The following GARS1 variants were observed in gnomAD, a reference collection of about 807,000 sequenced individuals.
The protein encoded by GARS1 is glycine--tRNA ligase.
A neutral mutation model predicts 86.4 loss-of-function variants in GARS1; 46 were observed. The ratio of observed to expected loss-of-function variants is 0.53; its 90% CI spans 0.42 to 0.68. The LOEUF (loss-of-function observed/expected upper bound fraction) is 0.68. GARS1 is among the 30% of genes least tolerant of loss of function. The pLI, the probability that GARS1 is intolerant of heterozygous loss-of-function variation, is 0.00. For missense variants in GARS1, 797 were observed against 915.6 expected (o/e 0.87, Z 1.67); for synonymous variants, 342 against 329.8 (o/e 1.04, Z -0.40).
intron 12 of GARS1, chr7:30,622,663 C>A: frequency 1.7e-6 from 1 of 578,706 alleles, no homozygotes; most frequent in Non-Finnish European, 3.0e-6. Context: ...TTTTTTTTTC[C>A]TAGTAACTGT....
In GARS1 at chr7:30,622,425, T is replaced by C; in HGVS notation, c.1576T>C (p.Tyr526His). Residue 526 changes from tyrosine to histidine, a missense_variant, in exon 12 of 17, where the codon TAC (tyrosine) becomes CAC (histidine). Tyr to His is a moderately conservative substitution (Grantham distance 83). Coordinates refer to ENST00000389266, the MANE Select transcript of GARS1 (RefSeq NM_002047.4). ...MEYLAICDEC[Y>H]ITEMEMLLNE... ...GTATCTTGCCATTTGTGATGAGTGC[T>C]ACATTACAGAAATGGAGATGCTGCT... The C allele has an allele frequency of 6.2e-7, 1 of 1,614,128 alleles. No homozygotes were observed. Among genetic ancestry groups the C allele is most frequent in the African/African-American group, 1.3e-5 (1 of 75,052 alleles).
chr7:30,600,006 G>A lies in GARS1; in HGVS notation c.384G>A (p.Leu128=), dbSNP rs886062272. 4.3e-6 allele frequency: 7 copies of A among 1,613,782 alleles called. No homozygotes were observed. The highest frequency in any genetic ancestry group is 5.9e-6 in the Non-Finnish European group (7 of 1,179,868). The change falls in exon 3 of 17, where the codon CTG becomes CTA. Residue 128 remains leucine (L), a synonymous_variant. Transcript: ENST00000389266. ...ACCGAGCAAAAATGGAAGATACCCTGAAGAGGAGGTTTTTCTATGATCAAG... is the reference window on the plus strand; with the variant it reads ...ACCGAGCAAAAATGGAAGATACCCTAAAGAGGAGGTTTTTCTATGATCAAG... The part of the protein sequence containing the change: ...IVDRAKMEDT[L]KRRFFYDQAF...
chr7:30,633,784 C>T lies in GARS1; in HGVS notation c.2144C>T (p.Thr715Ile). The T allele has an allele frequency of 6.2e-7, 1 of 1,613,528 alleles. No homozygotes were observed. Residue 715 changes from threonine (T) to isoleucine (I), a missense_variant, in exon 17 of 17, where the codon ACA (threonine) becomes ATA (isoleucine). This residue lies in a region of GARS1 where 598 missense variants were observed against 738.7 expected (regional missense o/e 0.81). Coordinates refer to ENST00000389266, the MANE Select transcript of GARS1 (RefSeq NM_002047.4). ...IVQDLANGNI[T>I]WADVEARYPL... ...CAAGACCTAGCCAATGGCAACATCA[C>T]ATGGGCTGATGTGGAGGCCAGGTAT...
At chr7:30,618,726 C>A (rs778518805) in intron 10 of GARS1, among the ~76,000 whole-genome samples, 4 of 152,200 alleles carry the variant, frequency 2.6e-5, no homozygotes, top group Non-Finnish European at 5.9e-5. Flanking sequence ...CTAACACATG[C>A]ATGCATAAAT....
rs769662084 is a variant in GARS1 at position 30,632,232 on chromosome 7, G to T, written c.1904-15G>T. On this transcript the variant is annotated splice_polypyrimidine_tract_variant and intron_variant, in intron 15 of 16. Coordinates refer to ENST00000389266, the MANE Select transcript of GARS1 (RefSeq NM_002047.4). The surrounding 1 kb of genome is among the most constrained non-coding windows in gnomAD (Gnocchi z 4.1). ...CATTGTTTTATTTTTAATTTACTTT[G>T]TTTATTTTGGATAGCGGAAGCCCTG... The T allele has an allele frequency of 6.8e-6, 11 of 1,613,322 alleles. No homozygotes were observed. The South Asian group carries it at 1.1e-4, about 16-fold the overall frequency.
rs564263129 is a variant in GARS1, at chr7:30,633,919, TA to T, written c.*60del. The stretch of plus-strand genomic sequence containing the variant: ...AATAAAAAAAAAAAAAAACTACTCT[TA>T]TGTCCACTTTACAAAAGAAAACAGC... On this transcript the variant is annotated 3_prime_UTR_variant, in exon 17 of 17. Coordinates refer to ENST00000389266, the MANE Select transcript of GARS1 (RefSeq NM_002047.4). 1.6e-5 allele frequency: 25 copies of T among 1,543,266 alleles called. No homozygotes were observed. The East Asian group carries it at 5.6e-4, about 35-fold the overall frequency.
At chr7:30,610,876 A>G (rs541808102) in intron 7 of GARS1, among the ~76,000 whole-genome samples, 1 of 152,262 alleles carries the variant, frequency 6.6e-6, no homozygotes, top group Non-Finnish European at 1.5e-5. Context: ...AGAAAATGGG[A>G]AGTATAAAAT....
chr7:30,599,840 A>G, intron 2 of GARS1, 107 bp from the exon 3 acceptor site: 1 of 749,360 alleles, frequency 1.3e-6, no homozygotes. Context: ...TGTCTGTTTG[A>G]TAAATTTTAT....
In GARS1 at chr7:30,603,102, G is replaced by T; in HGVS notation, c.638G>T (p.Arg213Leu). ...VKDVKNGECFRADHLLKAHLQ... is the reference protein window; with the variant it reads ...VKDVKNGECFLADHLLKAHLQ... ...GACGTAAAAAATGGAGAATGTTTTC[G>T]TGCTGACCATCTATTAAAAGGTGAG... is the stretch of plus-strand genomic sequence containing the variant. Residue 213 changes from arginine (R) to leucine (L), a missense_variant, in exon 5 of 17, where the codon CGT (arginine) becomes CTT (leucine). This residue lies in a region of GARS1 where 598 missense variants were observed against 738.7 expected (regional missense o/e 0.81). Transcript: ENST00000389266. 6.2e-7 allele frequency: 1 copy of T among 1,613,602 alleles called. No individual in the cohort carries two copies. Among genetic ancestry groups the T allele is most frequent in the East Asian group, 2.2e-5 (1 of 44,790 alleles).
chr7:30,594,741 G>T (rs1038333196), upstream of GARS1: 23 of 602,896 alleles, frequency 3.8e-5, 1 homozygote, highest in Middle Eastern at 8.7e-4. Context: ...AACCTTCGGC[G>T]GGGTCCTTCC....
rs190132116 is a variant in GARS1, at chr7:30,633,830, G to A, written c.2190G>A (p.Glu730=). The stretch of plus-strand genomic sequence containing the variant: ...GGTATCCTCTGTTTGAAGGGCAAGA[G>A]ACTGGTAAAAAAGAGACAATCGAGG... The part of the protein sequence containing the change: ...EARYPLFEGQ[E]TGKKETIEE The change falls in exon 17 of 17, where the codon GAG becomes GAA. Residue 730 remains glutamate (E), a synonymous_variant. Transcript: ENST00000389266. 7.7e-4 allele frequency: 1,232 copies of A among 1,595,330 alleles called. 8 individuals carry two copies. In the African/African-American group the frequency reaches 0.014, roughly 19 times the overall value.
Position 30,621,485 on chromosome 7 carries a change from A to C in GARS1, c.1452A>C (p.Lys484Asn), listed in dbSNP as rs1248669109. 1.2e-6 allele frequency: 2 copies of C among 1,613,890 alleles called. No homozygotes were observed. Among genetic ancestry groups the C allele is most frequent in the East Asian group, 2.2e-5 (1 of 44,882 alleles). ...CCAAAGTCCCACTTGTAGCTGAGAAACCTCTGAAAGAACCCATATCCTTTC... is the reference window on the plus strand; with the variant it reads ...CCAAAGTCCCACTTGTAGCTGAGAACCCTCTGAAAGAACCCATATCCTTTC... ...RATKVPLVAE[K>N]PLKEPKTVNV... The change falls in exon 11 of 17, where the codon AAA (lysine) becomes AAC (asparagine). Residue 484 changes from lysine to asparagine, a missense_variant. By Grantham distance (94) the Lys-to-Asn change is moderately conservative. Coordinates refer to ENST00000389266, the MANE Select transcript of GARS1 (RefSeq NM_002047.4).
Position 30,594,904 on chromosome 7 carries a change from G to C in GARS1, c.-18G>C. ...CTTCCGTCGCCACCCTCTCTGGACA[G>C]CCCAGGGCCGCAGGCTCATGCCCTC... On this transcript the variant is annotated 5_prime_UTR_variant, in exon 1 of 17. Coordinates refer to ENST00000389266, the MANE Select transcript of GARS1 (RefSeq NM_002047.4). The C allele has an allele frequency of 6.5e-7, 1 of 1,544,344 alleles. No individual in the cohort carries two copies.
At chr7:30,627,427 A>G (rs1312724960) in intron 13 of GARS1, among the ~76,000 whole-genome samples, 1 of 152,238 alleles carries the variant, frequency 6.6e-6, no homozygotes, top group East Asian at 1.9e-4. Flanking sequence ...ACTCTTTATC[A>G]TAGACAAACA....
At chr7:30,597,886 C>T (rs909217846) in intron 1 of GARS1, among the ~76,000 whole-genome samples, 1 of 152,106 alleles carries the variant, frequency 6.6e-6, no homozygotes, top group Non-Finnish European at 1.5e-5. Flanking sequence ...AGTTTTTCAT[C>T]CTATATAGGT....
chr7:30,605,213 CATT>C (rs2128133222), intron 6 of GARS1, among the ~76,000 whole-genome samples: 1 of 152,340 alleles, frequency 6.6e-6, no homozygotes, highest in African/African-American at 2.4e-5. Flanking sequence ...TATGAAGCAT[CATT>C]GTTTCTTTAA....
At chr7:30,598,300 T>C (rs1391630537) in intron 1 of GARS1, among the ~76,000 whole-genome samples, 1 of 151,866 alleles carries the variant, frequency 6.6e-6, no homozygotes, top group Non-Finnish European at 1.5e-5. Flanking sequence ...TGTGTTCTTC[T>C]AGATTATTAA....
chr7:30,622,145 T>C (rs1228372220), intron 11 of GARS1, 172 bp from the exon 12 acceptor site: 3 of 707,206 alleles, frequency 4.2e-6, no homozygotes, highest in East Asian at 2.8e-5. Context: ...GAGAGTTGTC[T>C]GAATGATTTT....
At chr7:30,630,401 T>G (rs536558315) in intron 14 of GARS1, among the ~76,000 whole-genome samples, 1 of 152,348 alleles carries the variant, frequency 6.6e-6, no homozygotes, top group African/African-American at 2.4e-5. Context: ...AAATTTATTC[T>G]GTGTTTTTGC....
Sources: gnomAD v4.1 joint callset for allele counts (sites outside exome capture counted in the v4.1 genomes callset) on GRCh38, gnomAD v4.1.1 for gene constraint, gnomAD v4.1.1 regional missense constraint, Gnocchi (gnomAD v3.1) non-coding constraint, MANE v1.5 for transcripts, NCBI Gene and HGNC (gene_info 2026-07-23, HGNC 2026-07-21) for gene names.